Variants in NDST4 observed in about 807,000 individuals in gnomAD.
The protein encoded by NDST4 is N-deacetylase and N-sulfotransferase 4, also known as N-heparan sulfate sulfotransferase 4.
NDST4 carries 63 observed loss-of-function variants against 100.8 expected under a neutral mutation model. The ratio of observed to expected loss-of-function variants is 0.62; its 90% CI spans 0.51 to 0.77. The LOEUF is 0.77. Ranked by LOEUF, NDST4 falls within the 30% of genes least tolerant of loss-of-function variation. NDST4 has a pLI of 0.00. For synonymous variants in NDST4, 377 were observed against 361.8 expected (o/e 1.04, Z -0.48); for missense variants, 943 against 1,018.4 (o/e 0.93, Z 1.01).
In NDST4 at chr4:114,977,066, AT is replaced by A. The variant is rs1726654643; in HGVS notation, c.1066+120del. On this transcript the variant is annotated intron_variant, in intron 3 of 13. Coordinates refer to ENST00000264363, the MANE Select transcript of NDST4 (RefSeq NM_022569.3). ...ATTGATTTTGGATTTGGCTACTCAA[AT>A]AATGTGCCCAAGTTTTTCCCATAAT... 3 of 672,114 alleles carry A rather than the reference AT, an allele frequency of 4.5e-6. No homozygotes were observed. In the African/African-American group the frequency reaches 5.5e-5, roughly 12 times the overall value. The allele number at this position is 672,114 out of a possible 1,614,324, so 41.6% of individuals were successfully genotyped here.
chr4:115,014,125 T>A (rs1241619249), intron 2 of NDST4, among the ~76,000 whole-genome samples: 2 of 152,078 alleles, frequency 1.3e-5, no homozygotes, highest in Non-Finnish European at 2.9e-5. Flanking sequence ...GTCAAATGCC[T>A]TTTACTTCAT....
chr4:115,017,950 T>C (rs1727722540), intron 2 of NDST4, among the ~76,000 whole-genome samples: 1 of 151,936 alleles, frequency 6.6e-6, no homozygotes, highest in Admixed American at 6.6e-5. Context: ...ACAAATTTAA[T>C]ACATATTGAC....
chr4:115,083,451 C>A lies in NDST4; in HGVS notation c.-246-6169G>T, dbSNP rs142241721. Among the ~76,000 whole-genome samples, 8 of 152,204 alleles carry A rather than the reference C, an allele frequency of 5.3e-5. No individual in the cohort carries two copies. In the East Asian group the frequency reaches 1.3e-3, roughly 26 times the overall value. On this transcript the variant is annotated intron_variant, in intron 1 of 13. Transcript: ENST00000264363. ...CTCCAGCCTGGGTGACAGAGGGATA[C>A]CCTGTCTGGAAACACACAAAAACCA...
chr4:115,108,619 T>C (rs918721874), intron 1 of NDST4, among the ~76,000 whole-genome samples: 1 of 151,908 alleles, frequency 6.6e-6, no homozygotes, highest in Non-Finnish European at 1.5e-5. Flanking sequence ...GGAAAAGATG[T>C]GACTGATATT....
intron 2 of NDST4, among the ~76,000 whole-genome samples, chr4:115,031,146 T>C (rs1728106063): frequency 6.6e-6 from 1 of 152,110 alleles, no homozygotes; most frequent in Non-Finnish European, 1.5e-5. Context: ...TCTGATTTAA[T>C]ACACATCTTC....
chr4:115,090,257 C>G (rs1051145380), intron 1 of NDST4, among the ~76,000 whole-genome samples: 1 of 151,678 alleles, frequency 6.6e-6, no homozygotes, highest in Non-Finnish European at 1.5e-5. Context: ...GTACCTCTAC[C>G]AATAGAATAA....
chr4:114,988,634 T>C (rs1390344265), intron 2 of NDST4, among the ~76,000 whole-genome samples: 12 of 152,042 alleles, frequency 7.9e-5, no homozygotes, highest in Admixed American at 7.9e-4. Flanking sequence ...GTGCTGGGAT[T>C]ACAGGTGTGA....
chr4:114,948,306 A>G (rs921315474), intron 4 of NDST4, among the ~76,000 whole-genome samples: 8 of 148,032 alleles, frequency 5.4e-5, no homozygotes, highest in Non-Finnish European at 1.0e-4. Context: ...GTGTTATTAC[A>G]TTTTGTCCTT....
At chr4:115,062,740 C>T (rs1026843671) in intron 2 of NDST4, among the ~76,000 whole-genome samples, 3 of 151,692 alleles carry the variant, frequency 2.0e-5, no homozygotes, top group African/African-American at 7.3e-5. Context: ...AATAGCTAAT[C>T]ATCCACATAA....
chr4:114,994,403 C>T (rs1727115592), intron 2 of NDST4, among the ~76,000 whole-genome samples: 1 of 151,934 alleles, frequency 6.6e-6, no homozygotes, highest in African/African-American at 2.4e-5. Flanking sequence ...CCTCAAATCT[C>T]CTTGCTTTTT....
chr4:114,933,861 T>C (rs1237030014), intron 6 of NDST4, among the ~76,000 whole-genome samples: 1 of 152,156 alleles, frequency 6.6e-6, no homozygotes, highest in South Asian at 2.1e-4. Context: ...GATAACAAAG[T>C]TGGCGAGGAT....
chr4:115,012,041 G>T (rs1379537906), intron 2 of NDST4, among the ~76,000 whole-genome samples: 1 of 151,724 alleles, frequency 6.6e-6, no homozygotes, highest in Non-Finnish European at 1.5e-5. Flanking sequence ...AAGTAAGAGA[G>T]GATTCAAAGC....
intron 2 of NDST4, among the ~76,000 whole-genome samples, chr4:115,050,701 C>A (rs1728564092): frequency 1.3e-5 from 2 of 152,104 alleles, no homozygotes; most frequent in African/African-American, 4.8e-5. Context: ...GCAGGTACAA[C>A]TGGGAGGAAA....
At chr4:115,035,776 T>C (rs1246777888) in intron 2 of NDST4, among the ~76,000 whole-genome samples, 1 of 152,050 alleles carries the variant, frequency 6.6e-6, no homozygotes, top group Non-Finnish European at 1.5e-5. Context: ...ATAGTGAATA[T>C]ATCCATCACA....
intron 2 of NDST4, among the ~76,000 whole-genome samples, chr4:114,983,449 T>C (rs913148935): frequency 6.6e-6 from 1 of 152,210 alleles, no homozygotes; most frequent in Non-Finnish European, 1.5e-5. Context: ...TTTTTAGATT[T>C]AATGACTGCC....
At position 115,001,820 on chromosome 4, in the gene NDST4, T is replaced by C. The variant is rs551780872; in HGVS notation, c.979-24546A>G. Among the ~76,000 whole-genome samples, 21 of 152,230 alleles carry C rather than the reference T, an allele frequency of 1.4e-4. 1 individual carries two copies. In the South Asian group the frequency reaches 4.3e-3, roughly 32 times the overall value. ...TTCAATTTACTTCATGAAATGAACT[T>C]AATTTGTTTTCATATTCACTGTGTG... On this transcript the variant is annotated intron_variant, in intron 2 of 13. Transcript: ENST00000264363.
At chr4:114,969,544 C>T (rs915838163) in intron 4 of NDST4, among the ~76,000 whole-genome samples, 2 of 152,156 alleles carry the variant, frequency 1.3e-5, no homozygotes, top group Admixed American at 1.3e-4. Context: ...TTAGCTCACA[C>T]TCATAAGTGC....
At chr4:115,003,009 A>G (rs1727331381) in intron 2 of NDST4, among the ~76,000 whole-genome samples, 1 of 152,162 alleles carries the variant, frequency 6.6e-6, no homozygotes, top group African/African-American at 2.4e-5. Context: ...GTTCTCACTC[A>G]TAAGTTACAG....
rs772642371 is a variant in NDST4, at chr4:115,076,578, G to A, written c.459C>T (p.Tyr153=). The part of the protein sequence containing the change: ...DSWNRELLEK[Y]CVEYSVSIIG... Reference sequence around the variant, plus strand: ...TTATACTAACACTGTATTCCACACAGTATTTTTCTAAAAGCTCTCGATTCC... The same window carrying A: ...TTATACTAACACTGTATTCCACACAATATTTTTCTAAAAGCTCTCGATTCC... The change falls in exon 2 of 14, where the codon TAC becomes TAT. Residue 153 remains tyrosine, a synonymous_variant. Coordinates refer to ENST00000264363, the MANE Select transcript of NDST4 (RefSeq NM_022569.3). 1.9e-6 allele frequency: 3 copies of A among 1,613,790 alleles called. No homozygotes were observed. Among genetic ancestry groups the A allele is most frequent in the Non-Finnish European group, 2.5e-6 (3 of 1,179,932 alleles).
Sources: gnomAD v4.1 joint callset for allele counts (sites outside exome capture counted in the v4.1 genomes callset) on GRCh38, gnomAD v4.1.1 for gene constraint, MANE v1.5 for transcripts, NCBI Gene and HGNC (gene_info 2026-07-23, HGNC 2026-07-21) for gene names.